Variants in CYP11A1 observed in about 807,000 individuals in gnomAD.
CYP11A1 encodes the protein cholesterol side-chain cleavage enzyme, mitochondrial.
CYP11A1 carries 25 observed loss-of-function variants against 51.9 expected under a neutral mutation model. The observed-to-expected ratio is 0.48, with a 90% CI of 0.35 to 0.67. The LOEUF (loss-of-function observed/expected upper bound fraction) is 0.67, where lower values mean the gene tolerates loss of function less well. Ranked by LOEUF, CYP11A1 falls within the 30% of genes least tolerant of loss-of-function variation. The pLI is 0.00. For synonymous variants in CYP11A1, 245 were observed against 262.1 expected (o/e 0.93, Z 0.63); for missense variants, 578 against 680.9 (o/e 0.85, Z 1.68).
intron 2 of CYP11A1, 69 bp downstream of exon 2, chr15:74,347,831 C>T (rs541286517): frequency 6.4e-7 from 1 of 1,568,870 alleles, no homozygotes; most frequent in Admixed American, 1.7e-5. Flanking sequence ...CCCCTCACCC[C>T]CAGCCTCTGC....
chr15:74,351,097 G>A (rs1297922604), intron 1 of CYP11A1, among the ~76,000 whole-genome samples: 1 of 152,180 alleles, frequency 6.6e-6, no homozygotes, highest in Non-Finnish European at 1.5e-5. Context: ...TGAAACTAAG[G>A]GGTTTCCACG....
In CYP11A1 at chr15:74,338,077, G is replaced by C; in HGVS notation, c.1461C>G (p.Ile487Met). 6.2e-7 allele frequency: 1 copy of C among 1,614,198 alleles called. No homozygotes were observed. Reference sequence around the variant, plus strand: ...TGGTGCCCACATCGCTGAGGTGTTGGATTTCAACTCTGAAGTTCTCCAGCA... The same window carrying C: ...TGGTGCCCACATCGCTGAGGTGTTGCATTTCAACTCTGAAGTTCTCCAGCA... ...INMLENFRVE[I>M]QHLSDVGTTF... is the part of the protein sequence containing the mutation. The change falls in exon 9 of 9, where the codon ATC (isoleucine) becomes ATG (methionine). Residue 487 changes from isoleucine (I) to methionine (M), a missense_variant. By Grantham distance (10) the Ile-to-Met change is conservative. Coordinates refer to ENST00000268053, the MANE Select transcript of CYP11A1 (RefSeq NM_000781.3).
intron 7 of CYP11A1, 65 bp from the exon 8 acceptor site, chr15:74,338,833 C>A: frequency 6.9e-7 from 1 of 1,453,728 alleles, no homozygotes; most frequent in Non-Finnish European, 9.5e-7. Flanking sequence ...CACAAAACCC[C>A]CTTCCCTAGT....
intron 5 of CYP11A1, among the ~76,000 whole-genome samples, chr15:74,341,673 G>A (rs2060607627): frequency 6.6e-6 from 1 of 152,190 alleles, no homozygotes; most frequent in African/African-American, 2.4e-5. Context: ...GTTATAGGCT[G>A]AGCTGTATAC....
intron 1 of CYP11A1, among the ~76,000 whole-genome samples, chr15:74,360,616 T>A (rs1039828632): frequency 6.7e-6 from 1 of 150,244 alleles, no homozygotes; most frequent in Non-Finnish European, 1.5e-5. Flanking sequence ...AAATTCGCCA[T>A]TATAGGCCAG....
At chr15:74,364,558 C>T (rs1443480840) in intron 1 of CYP11A1, 1 of 152,212 alleles carries the variant, frequency 6.6e-6, no homozygotes, top group Non-Finnish European at 1.5e-5. Context: ...CCCCTACGCT[C>T]CGCCTGCTCC....
At chr15:74,359,169 T>C (rs1235933467) in intron 1 of CYP11A1, among the ~76,000 whole-genome samples, 1 of 152,176 alleles carries the variant, frequency 6.6e-6, no homozygotes, top group Non-Finnish European at 1.5e-5. Flanking sequence ...ACATGACAAA[T>C]GCTCCTTTTA....
At chr15:74,365,581 A>T in intron 1 of CYP11A1, 1 of 711,342 alleles carries the variant, frequency 1.4e-6, no homozygotes, top group Non-Finnish European at 1.7e-6. Context: ...GAGAGTTTCA[A>T]AGGGAGTGGG....
intron 1 of CYP11A1, chr15:74,366,277 A>ATTTCTTTTTT (rs2060732776): frequency 1.5e-6 from 1 of 682,450 alleles, no homozygotes; most frequent in African/African-American, 2.7e-5. Flanking sequence ...CCCTCCCCCG[A>ATTTCTTTTTT]TTTTTTTTTT....
intron 5 of CYP11A1, among the ~76,000 whole-genome samples, chr15:74,341,592 C>T (rs1365773193): frequency 6.6e-6 from 1 of 152,200 alleles, no homozygotes; most frequent in Non-Finnish European, 1.5e-5. Context: ...CACCTCTCAG[C>T]TTTGTCAGTG....
At position 74,347,967 on chromosome 15, in the gene CYP11A1, G is replaced by T. The variant is rs776056840; in HGVS notation, c.358C>A (p.Arg120=). 6.2e-7 allele frequency: 1 copy of T among 1,614,192 alleles called. No individual in the cohort carries two copies. Among genetic ancestry groups the T allele is most frequent in the Non-Finnish European group, 8.5e-7 (1 of 1,180,026 alleles). The part of the protein sequence containing the change: ...LFKSEGPNPE[R]FLIPPWVAYH... ...GCGACCCAGGGCGGGATGAGGAATC[G>T]TTCTGGGTTGGGGCCCTCGGACTTA... Residue 120 remains arginine (R), a synonymous_variant, in exon 2 of 9, where the codon CGA becomes AGA. Transcript: ENST00000268053.
At position 74,343,025 on chromosome 15, in the gene CYP11A1, C is replaced by T. The variant is rs1412769249; in HGVS notation, c.942G>A (p.Glu314=). The change falls in exon 5 of 9, where the codon GAG becomes GAA. Residue 314 remains glutamate, a synonymous_variant. Transcript: ENST00000268053. ...RLLGDSKMSF[E]DIKANVTEML... is the part of the protein sequence containing the mutation. ...TCTCTGTGACGTTGGCCTTGATGTC[C>T]TCGAAGGACATCTTGCTGTCTCCCA... The T allele has an allele frequency of 6.2e-7, 1 of 1,613,102 alleles. No individual in the cohort carries two copies. Among genetic ancestry groups the T allele is most frequent in the South Asian group, 1.1e-5 (1 of 91,034 alleles).
Position 74,342,985 on chromosome 15 carries a change from C to T in CYP11A1, c.982G>A (p.Val328Met), listed in dbSNP as rs368093086. ...ANVTEMLAGG[V>M]DTTSMTLQWH... The stretch of plus-strand genomic sequence containing the variant: ...CCCTACAGCCACCTCACCGTGTCCA[C>T]CCCTCCTGCCAGCATCTCTGTGACG... The change falls in exon 5 of 9, where the codon GTG (valine) becomes ATG (methionine). Residue 328 changes from valine (V) to methionine (M), a missense_variant. Coordinates refer to ENST00000268053, the MANE Select transcript of CYP11A1 (RefSeq NM_000781.3). 6.2e-7 allele frequency: 1 copy of T among 1,612,356 alleles called. No homozygotes were observed. Among genetic ancestry groups the T allele is most frequent in the Admixed American group, 1.7e-5 (1 of 60,036 alleles).
intron 1 of CYP11A1, among the ~76,000 whole-genome samples, chr15:74,352,642 G>A (rs2060661302): frequency 6.6e-6 from 1 of 152,120 alleles, no homozygotes; most frequent in Admixed American, 6.5e-5. Context: ...AAGTCTCACT[G>A]AGATAAATGC....
chr15:74,339,125 C>A (rs776491778), intron 7 of CYP11A1, 112 bp downstream of exon 7: 28 of 885,178 alleles, frequency 3.2e-5, no homozygotes, highest in Non-Finnish European at 4.9e-5. Flanking sequence ...CAGACTTAGA[C>A]TGCTGCCATC....
At chr15:74,351,137 G>A (rs2060654467) in intron 1 of CYP11A1, among the ~76,000 whole-genome samples, 1 of 152,148 alleles carries the variant, frequency 6.6e-6, no homozygotes, top group Non-Finnish European at 1.5e-5. Context: ...CCACCGCCCG[G>A]TTCGCTTAAG....
At chr15:74,362,969 C>T (rs2060715843) in intron 1 of CYP11A1, 1 of 152,136 alleles carries the variant, frequency 6.6e-6, no homozygotes, top group Admixed American at 6.5e-5. Context: ...TTAAAGAGAA[C>T]ATTGCCAGAA....
intron 6 of CYP11A1, 32 bp from the exon 7 acceptor site, chr15:74,339,347 C>A: frequency 2.5e-6 from 4 of 1,602,762 alleles, no homozygotes; most frequent in Non-Finnish European, 3.4e-6. Flanking sequence ...AAGCTGATGG[C>A]CCCAAAGGCT....
chr15:74,364,446 C>T (rs1197987654), intron 1 of CYP11A1: 1 of 152,200 alleles, frequency 6.6e-6, no homozygotes, highest in South Asian at 2.1e-4. Context: ...GACTATGTAA[C>T]TTGAATACTT....
Sources: allele counts gnomAD v4.1 joint callset (sites outside exome capture counted in the v4.1 genomes callset), GRCh38; gene constraint gnomAD v4.1.1; transcripts MANE v1.5; gene names NCBI Gene and HGNC (gene_info 2026-07-23, HGNC 2026-07-21).